CTNND2: variants seen among roughly 807,000 people sequenced by gnomAD.
CTNND2 encodes the protein catenin delta 2.
A neutral mutation model predicts 144.4 loss-of-function variants in CTNND2; 22 were observed. The ratio of observed to expected loss-of-function variants is 0.15; its 90% confidence interval spans 0.11 to 0.22. The LOEUF is 0.22. Ranked by LOEUF, CTNND2 falls within the 10% of genes least tolerant of loss-of-function variation. CTNND2 has a pLI of 1.00. For missense variants in CTNND2, 1,353 were observed against 1,618.8 expected (o/e 0.84, Z 2.82); for synonymous variants, 751 against 695.6 (o/e 1.08, Z -1.25).
intron 12 of CTNND2, among the ~76,000 whole-genome samples, chr5:11,152,600 G>A (rs943588108): frequency 2.0e-5 from 3 of 152,188 alleles, no homozygotes. Flanking sequence ...TTCTGACTGG[G>A]TGGGAGGAAG....
intron 17 of CTNND2, among the ~76,000 whole-genome samples, chr5:11,021,190 C>T (rs1045713929): frequency 1.3e-5 from 2 of 152,080 alleles, no homozygotes; most frequent in African/African-American, 2.4e-5. Flanking sequence ...TTTAGTGATG[C>T]TTATTGCAGT....
intron 1 of CTNND2, among the ~76,000 whole-genome samples, chr5:11,887,215 C>T (rs1736618692): frequency 6.6e-6 from 1 of 151,814 alleles, no homozygotes; most frequent in African/African-American, 2.4e-5. Context: ...GATCTTCTGA[C>T]CTTGTGATCC....
chr5:11,750,296 C>G lies in CTNND2; in HGVS notation c.38-18024G>C, dbSNP rs1172253352. ...CTGTATGATTCCTCATTCTCTGTTTCTTCCTACTTTGAAAAACCCTGTGTG... is the reference window on the plus strand; with the variant it reads ...CTGTATGATTCCTCATTCTCTGTTTGTTCCTACTTTGAAAAACCCTGTGTG... On this transcript the variant is annotated intron_variant, in intron 1 of 21. Coordinates refer to ENST00000304623, the MANE Select transcript of CTNND2 (RefSeq NM_001332.4). 2.6e-5 allele frequency among the ~76,000 whole-genome samples: 4 copies of G among 151,984 alleles called. No individual in the cohort carries two copies. The East Asian group carries it at 7.7e-4, about 29-fold the overall frequency.
At chr5:11,301,659 A>T (rs190144526) in intron 9 of CTNND2, among the ~76,000 whole-genome samples, 1 of 152,340 alleles carries the variant, frequency 6.6e-6, no homozygotes, top group African/African-American at 2.4e-5. Context: ...TTCTTCACTC[A>T]GCATTGCAAT....
At chr5:11,851,184 C>T (rs1274361799) in intron 1 of CTNND2, among the ~76,000 whole-genome samples, 1 of 152,124 alleles carries the variant, frequency 6.6e-6, no homozygotes. Context: ...GCTCACCCCA[C>T]AGGTTTTGGA....
intron 1 of CTNND2, among the ~76,000 whole-genome samples, chr5:11,834,037 G>A (rs138498982): frequency 1.6e-3 from 240 of 152,234 alleles, no homozygotes; most frequent in African/African-American, 5.5e-3. Context: ...ATCCTTTGTG[G>A]GAGAGGCAGG....
At chr5:11,562,499 T>C (rs941831557) in intron 3 of CTNND2, among the ~76,000 whole-genome samples, 1 of 152,214 alleles carries the variant, frequency 6.6e-6, no homozygotes, top group African/African-American at 2.4e-5. Context: ...TTGCTTGTAG[T>C]TATACAAATG....
At chr5:11,022,002 A>G (rs1029893582) in intron 17 of CTNND2, among the ~76,000 whole-genome samples, 4 of 152,126 alleles carry the variant, frequency 2.6e-5, no homozygotes, top group Admixed American at 2.6e-4. Flanking sequence ...TTGTGAAGCT[A>G]TTTTCCAGCT....
chr5:11,186,740 C>G (rs1206251423), intron 11 of CTNND2, among the ~76,000 whole-genome samples: 2 of 152,134 alleles, frequency 1.3e-5, no homozygotes, highest in Non-Finnish European at 2.9e-5. Flanking sequence ...TCGTGAAAAT[C>G]TAGGGTCCAG....
intron 11 of CTNND2, among the ~76,000 whole-genome samples, chr5:11,195,885 C>T (rs146733728): frequency 6.6e-6 from 1 of 152,224 alleles, no homozygotes; most frequent in East Asian, 1.9e-4. Flanking sequence ...CATACAATAG[C>T]TTCGATTGGA....
intron 3 of CTNND2, among the ~76,000 whole-genome samples, chr5:11,418,533 G>C (rs1762090931): frequency 2.0e-5 from 3 of 152,198 alleles, no homozygotes; most frequent in Admixed American, 6.5e-5. Context: ...TTGGAAGAAT[G>C]GCAAAATCAT....
intron 1 of CTNND2, among the ~76,000 whole-genome samples, chr5:11,765,039 C>G (rs1471412064): frequency 2.7e-5 from 4 of 148,338 alleles, no homozygotes; most frequent in South Asian, 4.4e-4. Context: ...ATCCTGCCCC[C>G]CCCACCCTCC....
intron 2 of CTNND2, among the ~76,000 whole-genome samples, chr5:11,606,114 G>C (rs1300425836): frequency 6.6e-6 from 1 of 152,158 alleles, no homozygotes; most frequent in Non-Finnish European, 1.5e-5. Context: ...GAAGCCACGA[G>C]CCAAGGAATA....
At chr5:11,839,441 A>AT (rs145923421) in intron 1 of CTNND2, among the ~76,000 whole-genome samples, 9 of 150,488 alleles carry the variant, frequency 6.0e-5, no homozygotes, top group East Asian at 1.9e-4. Context: ...AACAATGACA[A>AT]TTTTTTTTTT....
intron 11 of CTNND2, among the ~76,000 whole-genome samples, chr5:11,175,025 A>G (rs1760332713): frequency 6.6e-6 from 1 of 152,290 alleles, no homozygotes; most frequent in African/African-American, 2.4e-5. Flanking sequence ...ATAAAGCTAC[A>G]TTGTTTCCTG....
At chr5:11,669,864 C>T (rs2126596056) in intron 2 of CTNND2, among the ~76,000 whole-genome samples, 1 of 152,220 alleles carries the variant, frequency 6.6e-6, no homozygotes, top group East Asian at 1.9e-4. Context: ...TTAGATCTTT[C>T]CTGCTTTCTC....
intron 1 of CTNND2, among the ~76,000 whole-genome samples, chr5:11,857,157 G>A (rs1363430039): frequency 6.6e-6 from 1 of 152,136 alleles, no homozygotes; most frequent in East Asian, 1.9e-4. Context: ...GGTTTTCACA[G>A]TTCAATTTCC....
At chr5:11,603,900 A>C (rs1166812557) in intron 2 of CTNND2, among the ~76,000 whole-genome samples, 1 of 152,216 alleles carries the variant, frequency 6.6e-6, no homozygotes, top group African/African-American at 2.4e-5. Context: ...TCTTTCTTCC[A>C]AAAGCTCAAT....
At chr5:11,062,625 G>T (rs186983849) in intron 16 of CTNND2, among the ~76,000 whole-genome samples, 29 of 152,338 alleles carry the variant, frequency 1.9e-4, no homozygotes, top group African/African-American at 7.0e-4. Context: ...ACAACGCCAA[G>T]CTCATAGCTA....
Sources: gnomAD v4.1 joint callset for allele counts (sites outside exome capture counted in the v4.1 genomes callset) on GRCh38, gnomAD v4.1.1 for gene constraint, MANE v1.5 for transcripts, NCBI Gene and HGNC (gene_info 2026-07-23, HGNC 2026-07-21) for gene names.